Variants in GNAQ observed in about 807,000 individuals in gnomAD.
GNAQ encodes guanine nucleotide-binding protein G(q) subunit alpha.
In GNAQ, 8 loss-of-function variants were observed where a neutral mutation model predicts 43.9. That is an observed-to-expected ratio of 0.18 (90% CI 0.11 to 0.33). GNAQ has a LOEUF of 0.33. GNAQ is among the 10% of genes least tolerant of loss of function. The pLI is 1.00. For synonymous variants in GNAQ, 155 were observed against 170.7 expected (o/e 0.91, Z 0.71); for missense variants, 158 against 450.8 (o/e 0.35, Z 5.88).
At chr9:77,885,322 T>C (rs1232094256) in intron 2 of GNAQ, among the ~76,000 whole-genome samples, 1 of 151,980 alleles carries the variant, frequency 6.6e-6, no homozygotes, top group African/African-American at 2.4e-5. Context: ...CACAGCCAGG[T>C]GAAAATGAGG....
intron 1 of GNAQ, among the ~76,000 whole-genome samples, chr9:77,996,825 T>A (rs1376915829): frequency 6.6e-6 from 1 of 152,194 alleles, no homozygotes; most frequent in South Asian, 2.1e-4. Flanking sequence ...CAGGCTGAAG[T>A]CTACACTGTT....
chr9:77,975,953 C>T (rs1225406996), intron 1 of GNAQ, among the ~76,000 whole-genome samples: 1 of 152,166 alleles, frequency 6.6e-6, no homozygotes, highest in Non-Finnish European at 1.5e-5. Flanking sequence ...AGCTGTCCTT[C>T]TGATCCTGGC....
chr9:77,794,746 A>G (rs750361703), intron 4 of GNAQ, among the ~76,000 whole-genome samples, 154 bp from the exon 5 acceptor site: 1 of 152,190 alleles, frequency 6.6e-6, no homozygotes, highest in Non-Finnish European at 1.5e-5. Flanking sequence ...AATAATTACT[A>G]ATTTCTTATT....
chr9:77,909,321 C>T lies in GNAQ; in HGVS notation c.321+12840G>A, dbSNP rs1828761027. ...TACATGATCTCATCCTGTTGCCATC[C>T]ACCAGCTGCCCAGTAGATAGTAAAA... On this transcript the variant is annotated intron_variant, in intron 2 of 6. Coordinates refer to ENST00000286548, the MANE Select transcript of GNAQ (RefSeq NM_002072.5). Among the ~76,000 whole-genome samples the T allele has an allele frequency of 2.6e-5, 4 of 152,274 alleles. No homozygotes were observed. In the South Asian group the frequency reaches 8.3e-4, roughly 32 times the overall value.
At chr9:77,987,830 A>AT (rs1823460936) in intron 1 of GNAQ, among the ~76,000 whole-genome samples, 1 of 152,160 alleles carries the variant, frequency 6.6e-6, no homozygotes, top group Non-Finnish European at 1.5e-5. Context: ...CAGACATTCA[A>AT]GTCCAGTGTG....
chr9:77,774,952 G>A (rs1252416977), intron 5 of GNAQ, among the ~76,000 whole-genome samples: 1 of 152,068 alleles, frequency 6.6e-6, no homozygotes, highest in African/African-American at 2.4e-5. Flanking sequence ...CCTGCTAACA[G>A]TCTGAATTAA....
At chr9:77,789,184 A>G (rs1265865177) in intron 5 of GNAQ, among the ~76,000 whole-genome samples, 1 of 152,144 alleles carries the variant, frequency 6.6e-6, no homozygotes, top group Non-Finnish European at 1.5e-5. Context: ...CATGTGATTT[A>G]TTTTATCCCA....
intron 2 of GNAQ, among the ~76,000 whole-genome samples, chr9:77,846,344 GCCATCAATT>G (rs1329278454): frequency 4.6e-5 from 7 of 152,286 alleles, no homozygotes; most frequent in Admixed American, 1.3e-4. Context: ...CTGCTTCAAT[GCCATCAATT>G]CCTCACCCTG....
intron 5 of GNAQ, among the ~76,000 whole-genome samples, chr9:77,760,482 T>G (rs1399437227): frequency 6.6e-6 from 1 of 152,102 alleles, no homozygotes; most frequent in Non-Finnish European, 1.5e-5. Flanking sequence ...GTGCCGGGAT[T>G]GCAGACAGTG....
chr9:77,891,414 G>A (rs2118110217), intron 2 of GNAQ, among the ~76,000 whole-genome samples: 1 of 152,234 alleles, frequency 6.6e-6, no homozygotes. Flanking sequence ...AGGAGATCGG[G>A]AAATGGTTAT....
At chr9:77,871,579 T>A (rs1404348522) in intron 2 of GNAQ, among the ~76,000 whole-genome samples, 1 of 152,154 alleles carries the variant, frequency 6.6e-6, no homozygotes, top group African/African-American at 2.4e-5. Flanking sequence ...TCCCTTTTAA[T>A]ATCCTTTTTA....
intron 5 of GNAQ, among the ~76,000 whole-genome samples, chr9:77,733,161 C>T (rs1007742661): frequency 6.6e-6 from 1 of 152,136 alleles, no homozygotes; most frequent in Non-Finnish European, 1.5e-5. Context: ...CTGCTCCCTG[C>T]TTTGTAATTG....
At chr9:77,937,974 T>C (rs916825538) in intron 1 of GNAQ, among the ~76,000 whole-genome samples, 1 of 152,134 alleles carries the variant, frequency 6.6e-6, no homozygotes, top group African/African-American at 2.4e-5. Flanking sequence ...GGCTTTCAAG[T>C]ACAGTTGTCC....
intron 1 of GNAQ, among the ~76,000 whole-genome samples, chr9:77,992,043 C>G (rs1823514397): frequency 6.6e-6 from 1 of 152,210 alleles, no homozygotes; most frequent in Non-Finnish European, 1.5e-5. Flanking sequence ...GTACATGCAT[C>G]TTTTTCATAC....
intron 3 of GNAQ, among the ~76,000 whole-genome samples, chr9:77,803,021 G>A (rs1390180399): frequency 1.3e-5 from 2 of 151,880 alleles, no homozygotes; most frequent in Non-Finnish European, 2.9e-5. Flanking sequence ...GCCCACAAGT[G>A]CCTTTGTCCA....
At chr9:77,838,930 A>C (rs1308303042) in intron 2 of GNAQ, among the ~76,000 whole-genome samples, 1 of 152,112 alleles carries the variant, frequency 6.6e-6, no homozygotes, top group Non-Finnish European at 1.5e-5. Context: ...AGGAAAAAAA[A>C]AATCTACTGT....
intron 1 of GNAQ, among the ~76,000 whole-genome samples, chr9:77,940,644 C>A (rs1442678163): frequency 6.6e-6 from 1 of 151,964 alleles, no homozygotes; most frequent in African/African-American, 2.4e-5. Context: ...CTGCAAAATA[C>A]TACAAAGAGT....
chr9:77,891,040 TCTTA>T (rs1828397465), intron 2 of GNAQ, among the ~76,000 whole-genome samples: 1 of 152,226 alleles, frequency 6.6e-6, no homozygotes, highest in Non-Finnish European at 1.5e-5. Context: ...ATAATCTGTT[TCTTA>T]CTTTATGTAT....
chr9:77,831,052 A>G (rs1053481480), intron 2 of GNAQ, among the ~76,000 whole-genome samples: 2 of 152,232 alleles, frequency 1.3e-5, no homozygotes, highest in South Asian at 2.1e-4. Flanking sequence ...TAATTGGTGA[A>G]TAAGATTGAG....
Sources: gnomAD v4.1 joint callset for allele counts (sites outside exome capture counted in the v4.1 genomes callset) on GRCh38, gnomAD v4.1.1 for gene constraint, MANE v1.5 for transcripts, NCBI Gene and HGNC (gene_info 2026-07-23, HGNC 2026-07-21) for gene names.